PCDH15: variants seen among roughly 807,000 people sequenced by gnomAD.
PCDH15 encodes protocadherin-15.
Under a neutral mutation model 178.5 loss-of-function variants are expected in PCDH15, and 129 were observed. The observed-to-expected ratio is 0.72, with a 90% CI of 0.63 to 0.84. The LOEUF (loss-of-function observed/expected upper bound fraction) is 0.84. Ranked by LOEUF, PCDH15 falls within the 40% of genes least tolerant of loss-of-function variation. The pLI is 0.00. For synonymous variants in PCDH15, 800 were observed against 732.0 expected, an observed-to-expected ratio of 1.09 and a Z score of -1.50; for missense variants, 2,230 against 2,099.9, an observed-to-expected ratio of 1.06 and a Z score of -1.21.
rs186489264 is a variant in PCDH15, at chr10:55,545,863, T to C, written c.-156+81762A>G. Among the ~76,000 whole-genome samples, 235 of 152,326 alleles carry C rather than the reference T, an allele frequency of 1.5e-3. 2 individuals are homozygous for C. Among genetic ancestry groups the C allele is most frequent in the African/African-American group, 5.5e-3 (227 of 41,580 alleles). ...TTTATCTGTCTCCCTCACCTTCTTATTGTAACCTATCACTTCCTATCCAAC... is the reference window on the plus strand; with the variant it reads ...TTTATCTGTCTCCCTCACCTTCTTACTGTAACCTATCACTTCCTATCCAAC... On this transcript the variant is annotated intron_variant, in intron 2 of 5. Coordinates refer to the PCDH15 transcript ENST00000613346.
intron 1 of PCDH15, among the ~76,000 whole-genome samples, chr10:55,295,137 A>G (rs1843099888): frequency 6.6e-6 from 1 of 152,204 alleles, no homozygotes; most frequent in Non-Finnish European, 1.5e-5. Flanking sequence ...TAAAAGAAAA[A>G]TATTGTATCT....
chr10:55,013,358 A>G (rs1840092631), intron 2 of PCDH15, among the ~76,000 whole-genome samples: 2 of 143,440 alleles, frequency 1.4e-5, no homozygotes, highest in South Asian at 4.6e-4. Flanking sequence ...TAAGATAAAA[A>G]ACACAATTCT....
intron 33 of PCDH15, 128 bp from the exon 34 acceptor site, chr10:53,818,141 T>TATC (rs530712346): frequency 1.3e-3 from 507 of 391,066 alleles, no homozygotes; most frequent in Non-Finnish European, 2.0e-3. Flanking sequence ...TACTAAACAC[T>TATC]ATCTCAGTGG....
intron 2 of PCDH15, among the ~76,000 whole-genome samples, chr10:55,152,507 G>A (rs1031655678): frequency 6.6e-6 from 1 of 152,094 alleles, no homozygotes; most frequent in Non-Finnish European, 1.5e-5. Flanking sequence ...AGAAGCTTGA[G>A]GTCATAGAGC....
chr10:55,163,782 C>T (rs1839122069), intron 2 of PCDH15, among the ~76,000 whole-genome samples: 1 of 152,224 alleles, frequency 6.6e-6, no homozygotes, highest in South Asian at 2.1e-4. Flanking sequence ...TTGGAAGTTG[C>T]CCTATATGGT....
chr10:55,304,018 T>C (rs1243829887), intron 1 of PCDH15, among the ~76,000 whole-genome samples: 1 of 152,176 alleles, frequency 6.6e-6, no homozygotes, highest in Non-Finnish European at 1.5e-5. Context: ...CAAATGTATG[T>C]ATTTAGTGCT....
intron 3 of PCDH15, among the ~76,000 whole-genome samples, chr10:54,425,261 T>C (rs1272073471): frequency 6.6e-6 from 1 of 152,078 alleles, no homozygotes; most frequent in Non-Finnish European, 1.5e-5. Context: ...AGTGGATTAA[T>C]CCATTCGTGA....
In PCDH15 at chr10:53,903,364, G is replaced by A. The variant is rs777482669; in HGVS notation, c.3380C>T (p.Thr1127Ile). Residue 1127 changes from threonine to isoleucine, a missense_variant, in exon 26 of 38, where the codon ACA becomes ATA. Thr to Ile is a moderately conservative substitution (Grantham distance 89). Transcript: ENST00000644397. ...CTGAATCTCAATGTATACTTTAGCTGTATTGCCTGGAGGACAAGAAACGAT... is the reference window on the plus strand; with the variant it reads ...CTGAATCTCAATGTATACTTTAGCTATATTGCCTGGAGGACAAGAAACGAT... Reference protein sequence around the residue: ...ANLRVPSKSNTAKVYIEIQDE... With the variant: ...ANLRVPSKSNIAKVYIEIQDE... 6.2e-7 allele frequency: 1 copy of A among 1,612,582 alleles called. No homozygotes were observed. Among genetic ancestry groups the A allele is most frequent in the Admixed American group, 1.7e-5 (1 of 60,010 alleles).
intron 2 of PCDH15, among the ~76,000 whole-genome samples, chr10:55,097,430 A>T (rs960589001): frequency 1.3e-5 from 2 of 152,116 alleles, no homozygotes; most frequent in Non-Finnish European, 2.9e-5. Context: ...AATAACATTG[A>T]ACCATTAAAC....
intron 2 of PCDH15, among the ~76,000 whole-genome samples, chr10:55,575,168 G>A (rs544893180): frequency 9.2e-5 from 14 of 152,090 alleles, no homozygotes; most frequent in Admixed American, 2.0e-4. Context: ...ATTGATTTCT[G>A]TAACTTCCCA....
At chr10:55,268,004 G>T (rs1474659252) in intron 1 of PCDH15, among the ~76,000 whole-genome samples, 1 of 152,132 alleles carries the variant, frequency 6.6e-6, no homozygotes, top group African/African-American at 2.4e-5. Flanking sequence ...TGGAACAACT[G>T]AATAACTATG....
chr10:55,605,374 G>A lies in PCDH15; in HGVS notation c.-156+22251C>T, dbSNP rs952245653. Among the ~76,000 whole-genome samples, 381 of 151,398 alleles carry A rather than the reference G, an allele frequency of 2.5e-3. 2 individuals carry two copies. Among genetic ancestry groups the A allele is most frequent in the African/African-American group, 8.8e-3 (363 of 41,396 alleles). On this transcript the variant is annotated intron_variant, in intron 2 of 5. Coordinates refer to the PCDH15 transcript ENST00000613346. The stretch of plus-strand genomic sequence containing the variant: ...CTATTCCAATCAATAGAAAAAGAGG[G>A]AATCCTCCCTAACTCATTTTATGAG...
chr10:54,594,912 C>A (rs1248890498), intron 2 of PCDH15, among the ~76,000 whole-genome samples: 1 of 152,178 alleles, frequency 6.6e-6, no homozygotes, highest in East Asian at 1.9e-4. Context: ...TGTATCTACT[C>A]CCATCCCTGA....
intron 2 of PCDH15, among the ~76,000 whole-genome samples, chr10:55,388,084 A>G (rs1837705258): frequency 6.6e-6 from 1 of 152,066 alleles, no homozygotes; most frequent in African/African-American, 2.4e-5. Flanking sequence ...TCAGAAAAAT[A>G]GTGGTCTGCG....
At chr10:54,045,980 T>TA in intron 18 of PCDH15, among the ~76,000 whole-genome samples, 1 of 151,650 alleles carries the variant, frequency 6.6e-6, no homozygotes, top group East Asian at 1.9e-4. Flanking sequence ...CTCCCACAGA[T>TA]AAAAAAGAAC....
chr10:54,356,663 T>G (rs1945029372), intron 5 of PCDH15, among the ~76,000 whole-genome samples: 1 of 151,664 alleles, frequency 6.6e-6, no homozygotes. Context: ...CCAGTGAGTC[T>G]CAATACTGTC....
intron 3 of PCDH15, among the ~76,000 whole-genome samples, chr10:54,484,182 G>A (rs926013080): frequency 1.3e-5 from 2 of 151,852 alleles, no homozygotes; most frequent in Non-Finnish European, 2.9e-5. Context: ...GATTCTTTGT[G>A]AAGAGAAAAA....
rs150717581 is a variant in PCDH15, at chr10:54,169,037, G to A, written c.1590+14407C>T. Among the ~76,000 whole-genome samples, 6 of 152,250 alleles carry A rather than the reference G, an allele frequency of 3.9e-5. No individual in the cohort carries two copies. The South Asian group carries it at 6.2e-4, about 16-fold the overall frequency. ...CCCACAGGAGCTTGCTACACATGCA[G>A]GAAATCTGGCCACTGGGCCAAGGAA... On this transcript the variant is annotated intron_variant, in intron 13 of 37. Transcript: ENST00000644397.
intron 27 of PCDH15, among the ~76,000 whole-genome samples, chr10:53,858,451 A>T (rs1228925538): frequency 6.6e-6 from 1 of 152,158 alleles, no homozygotes; most frequent in African/African-American, 2.4e-5. Context: ...TCTGCTGAAG[A>T]GGTCAGCTAC....
Sources: gnomAD v4.1 joint callset for allele counts (sites outside exome capture counted in the v4.1 genomes callset) on GRCh38, gnomAD v4.1.1 for gene constraint, MANE v1.5 for transcripts, NCBI Gene and HGNC (gene_info 2026-07-23, HGNC 2026-07-21) for gene names.